IBTK: variants seen among roughly 807,000 people sequenced by gnomAD.
IBTK encodes inhibitor of Bruton tyrosine kinase.
A neutral mutation model predicts 154.9 loss-of-function variants in IBTK; 83 were observed. The observed-to-expected ratio is 0.54, with a 90% CI of 0.45 to 0.64. IBTK has a LOEUF of 0.64. Ranked by LOEUF, IBTK falls within the 30% of genes least tolerant of loss-of-function variation. The pLI, the probability that IBTK is intolerant of heterozygous loss-of-function variation, is 0.00. For synonymous variants in IBTK, 515 were observed against 536.1 expected (o/e 0.96, Z 0.54); for missense variants, 1,332 against 1,584.6 (o/e 0.84, Z 2.71).
intron 26 of IBTK, among the ~76,000 whole-genome samples, chr6:82,177,872 A>G (rs1240164669): frequency 3.3e-5 from 5 of 152,064 alleles, no homozygotes; most frequent in Admixed American, 2.0e-4. Flanking sequence ...TTTCATTCTT[A>G]TTCTGTCATT....
intron 25 of IBTK, chr6:82,188,945 G>T: frequency 2.6e-6 from 1 of 385,108 alleles, no homozygotes; most frequent in Non-Finnish European, 5.0e-6. Flanking sequence ...CAGAAGAATC[G>T]CTTGAACCTA....
rs928373931 is a variant in IBTK at position 82,170,954 on chromosome 6, C to T, written c.*471G>A. On this transcript the variant is annotated 3_prime_UTR_variant, in exon 29 of 29. Coordinates refer to ENST00000306270, the MANE Select transcript of IBTK (RefSeq NM_015525.4). The stretch of plus-strand genomic sequence containing the variant: ...AACAAGAATGGTGACACAACTATTA[C>T]ACCAAACACAAAATTCTGGCCATTA... The T allele has an allele frequency of 1.3e-5, 2 of 153,334 alleles. No individual in the cohort carries two copies. The highest frequency in any genetic ancestry group is 4.8e-5 in the African/African-American group (2 of 41,436). 9.5% of individuals were successfully genotyped at this position (153,334 alleles called of 1,614,324 possible).
intron 2 of IBTK, among the ~76,000 whole-genome samples, chr6:82,236,093 C>T (rs565149468): frequency 1.3e-5 from 2 of 152,240 alleles, no homozygotes; most frequent in South Asian, 2.1e-4. Flanking sequence ...AGGCTGGTTT[C>T]GAACTCCTGA....
chr6:82,220,537 C>A, intron 9 of IBTK, 53 bp downstream of exon 9: 1 of 1,528,878 alleles, frequency 6.5e-7, no homozygotes, highest in South Asian at 1.3e-5. Flanking sequence ...ACCAGGTCTG[C>A]TACAGCTATC....
At chr6:82,200,843 C>A in intron 19 of IBTK, 135 bp from the exon 20 acceptor site, 1 of 961,960 alleles carries the variant, frequency 1.0e-6, no homozygotes, top group Non-Finnish European at 1.4e-6. Flanking sequence ...CCAAGCAAAC[C>A]TCCCATCTTG....
chr6:82,180,047 G>GTTCACCATAGGCAGGGGCTAATTTA (rs1768261061), intron 26 of IBTK, among the ~76,000 whole-genome samples: 3 of 152,152 alleles, frequency 2.0e-5, no homozygotes, highest in African/African-American at 7.2e-5. Flanking sequence ...GGGCTAATTT[G>GTTCACCATAGGCAGGGGCTAATTTA]TTCACCACTG....
chr6:82,202,660 A>C lies in IBTK; in HGVS notation c.2612-15T>G. 1 of 1,436,718 alleles carries C rather than the reference A, an allele frequency of 7.0e-7. No homozygotes were observed. The highest frequency in any genetic ancestry group is 9.6e-7 in the Non-Finnish European group (1 of 1,043,248). 89.0% of individuals were successfully genotyped at this position (1,436,718 alleles called of 1,614,324 possible). Reference sequence around the variant, plus strand: ...CTTCAGGGTAACTACAAAGAAAGAAAAGATTTGCAAAATTAGATAAAAGGC... The same window carrying C: ...CTTCAGGGTAACTACAAAGAAAGAACAGATTTGCAAAATTAGATAAAAGGC... On this transcript the variant is annotated splice_polypyrimidine_tract_variant and intron_variant, in intron 17 of 28. Coordinates refer to ENST00000306270, the MANE Select transcript of IBTK (RefSeq NM_015525.4).
At chr6:82,194,365 C>G (rs1012633498) in intron 23 of IBTK, 114 bp downstream of exon 23, 1 of 826,990 alleles carries the variant, frequency 1.2e-6, no homozygotes, top group Non-Finnish European at 1.7e-6. Flanking sequence ...ATTTTCTGTG[C>G]ATTAGAAATT....
In IBTK at chr6:82,196,857, G is replaced by C. The variant is rs563692611; in HGVS notation, c.3026-411C>G. ...ACAGTGGTCTCCGCACCCAAGCAAG[G>C]GGGTAGCTTCATTCTATGTGGGAGG... On this transcript the variant is annotated intron_variant, in intron 21 of 28. Coordinates refer to ENST00000306270, the MANE Select transcript of IBTK (RefSeq NM_015525.4). Among the ~76,000 whole-genome samples, 10 of 152,280 alleles carry C rather than the reference G, an allele frequency of 6.6e-5. No homozygotes were observed. In the South Asian group the frequency reaches 2.1e-3, roughly 32 times the overall value.
chr6:82,231,044 C>T (rs1770484540), intron 4 of IBTK, among the ~76,000 whole-genome samples: 1 of 152,108 alleles, frequency 6.6e-6, no homozygotes, highest in Admixed American at 6.5e-5. Context: ...TATCTACTAT[C>T]CAAACTGAGA....
chr6:82,224,255 G>T, intron 6 of IBTK, 70 bp from the exon 7 acceptor site: 2 of 1,080,266 alleles, frequency 1.9e-6, no homozygotes, highest in Non-Finnish European at 2.8e-6. Flanking sequence ...TAAAGATCCA[G>T]CAGACCAGCA....
chr6:82,240,481 A>G lies in IBTK; in HGVS notation c.6T>C (p.Ser2=). ...TTGATGTGCAGTCAGGCATGGGTGA[A>G]CTCATCCTAACTGTTTTTATACCAC... The part of the protein sequence containing the change: M[S]SPMPDCTSKC... Residue 2 remains serine, a synonymous_variant, in exon 2 of 29, where the codon AGT becomes AGC. Coordinates refer to ENST00000306270, the MANE Select transcript of IBTK (RefSeq NM_015525.4). The G allele has an allele frequency of 1.9e-6, 3 of 1,609,942 alleles. No individual in the cohort carries two copies. Among genetic ancestry groups the G allele is most frequent in the Non-Finnish European group, 2.5e-6 (3 of 1,178,282 alleles).
At chr6:82,214,866 A>G in intron 11 of IBTK, 37 bp from the exon 12 acceptor site, 2 of 1,513,636 alleles carry the variant, frequency 1.3e-6, no homozygotes, top group Non-Finnish European at 1.8e-6. Context: ...GCTTCAAAAA[A>G]TATGAAGGAA....
chr6:82,191,317 G>T, intron 24 of IBTK, 101 bp from the exon 25 acceptor site: 1 of 895,468 alleles, frequency 1.1e-6, no homozygotes, highest in Non-Finnish European at 1.7e-6. Flanking sequence ...ATTAATTTCT[G>T]CTTAATAAAG....
chr6:82,213,309 G>A (rs1386708019), intron 12 of IBTK, among the ~76,000 whole-genome samples: 2 of 152,086 alleles, frequency 1.3e-5, no homozygotes, highest in African/African-American at 4.8e-5. Context: ...GATTACAGGC[G>A]TGAGCCACCG....
In IBTK at chr6:82,170,645, T is replaced by G. The variant is rs1187652043; in HGVS notation, c.*780A>C. On this transcript the variant is annotated 3_prime_UTR_variant, in exon 29 of 29. Transcript: ENST00000306270. ...TAATTAAGCATTTATTTTCAGAAATTTTAACACTTTCAGCAATTGATTCTC... is the reference window on the plus strand; with the variant it reads ...TAATTAAGCATTTATTTTCAGAAATGTTAACACTTTCAGCAATTGATTCTC... 6.6e-6 allele frequency: 1 copy of G among 152,166 alleles called. No individual in the cohort carries two copies. The highest frequency in any genetic ancestry group is 6.6e-5 in the Admixed American group (1 of 15,264). The allele number at this position is 152,166 out of a possible 1,614,324, so 9.4% of individuals were successfully genotyped here.
intron 22 of IBTK, among the ~76,000 whole-genome samples, chr6:82,194,908 T>C (rs570893199): frequency 6.6e-6 from 1 of 152,216 alleles, no homozygotes; most frequent in South Asian, 2.1e-4. Context: ...TCTACACAAA[T>C]AGTTAACATG....
intron 23 of IBTK, among the ~76,000 whole-genome samples, chr6:82,194,211 G>A (rs767025153): frequency 1.7e-4 from 26 of 151,930 alleles, no homozygotes; most frequent in Non-Finnish European, 3.4e-4. Flanking sequence ...AATAACTACT[G>A]ATACTAAGTT....
chr6:82,201,911 A>T (rs1277445317), intron 18 of IBTK, among the ~76,000 whole-genome samples: 1 of 152,088 alleles, frequency 6.6e-6, no homozygotes, highest in Non-Finnish European at 1.5e-5. Context: ...TTTTTATTAG[A>T]GATAGGGTTT....
Sources: gnomAD v4.1 joint callset for allele counts (sites outside exome capture counted in the v4.1 genomes callset) on GRCh38, gnomAD v4.1.1 for gene constraint, MANE v1.5 for transcripts, NCBI Gene and HGNC (gene_info 2026-07-23, HGNC 2026-07-21) for gene names.